LIMCH1: variants seen among roughly 807,000 people sequenced by gnomAD.
LIMCH1 encodes LIM and calponin homology domains-containing protein 1.
A neutral mutation model predicts 176.5 loss-of-function variants in LIMCH1; 113 were observed. That is an observed-to-expected ratio of 0.64 (90% CI 0.55 to 0.75). LIMCH1 has a LOEUF of 0.75. Ranked by LOEUF, LIMCH1 falls within the 30% of genes least tolerant of loss-of-function variation. The pLI is 0.00. For missense variants in LIMCH1, 1,674 were observed against 1,814.9 expected (o/e 0.92, Z 1.41); for synonymous variants, 619 against 645.9 (o/e 0.96, Z 0.63).
rs2092366054 is a variant in LIMCH1 at position 41,619,107 on chromosome 4, C to A, written c.206-81C>A. 3.2e-5 allele frequency: 48 copies of A among 1,492,376 alleles called. No homozygotes were observed. The South Asian group carries it at 5.3e-4, about 17-fold the overall frequency. The allele number at this position is 1,492,376 out of a possible 1,614,324, so 92.4% of individuals were successfully genotyped here. Reference sequence around the variant, plus strand: ...AATCCTCAGAACCCACAGATTGAACCACATCCCTAATGCATGCTTAACATT... The same window carrying A: ...AATCCTCAGAACCCACAGATTGAACAACATCCCTAATGCATGCTTAACATT... On this transcript the variant is annotated intron_variant, in intron 5 of 31. Coordinates refer to ENST00000503057, the MANE Select transcript of LIMCH1 (RefSeq NM_001330672.2).
chr4:41,681,266 G>A (rs1715543921), intron 25 of LIMCH1, among the ~76,000 whole-genome samples: 2 of 152,000 alleles, frequency 1.3e-5, no homozygotes, highest in African/African-American at 4.8e-5. Context: ...CCTGGGGAGT[G>A]GTAAAGTCAT....
intron 1 of LIMCH1, among the ~76,000 whole-genome samples, chr4:41,432,005 A>G (rs181446253): frequency 2.0e-5 from 3 of 152,342 alleles, no homozygotes; most frequent in East Asian, 3.9e-4. Flanking sequence ...TAAGGCAGCT[A>G]TGACTATTAC....
chr4:41,685,625 C>T, intron 27 of LIMCH1, 85 bp from the exon 28 acceptor site: 7 of 1,516,720 alleles, frequency 4.6e-6, no homozygotes, highest in Non-Finnish European at 5.5e-6. Flanking sequence ...CCTCAACAGG[C>T]ATTAGCACTT....
intron 2 of LIMCH1, among the ~76,000 whole-genome samples, chr4:41,517,861 C>A (rs566088712): frequency 6.6e-6 from 1 of 151,762 alleles, no homozygotes; most frequent in South Asian, 2.1e-4. Flanking sequence ...TAGTCAAACC[C>A]AGAAAGTGAT....
Position 41,650,383 on chromosome 4 carries a change from G to T in LIMCH1, c.2821-10G>T, listed in dbSNP as rs1197713118. 6.2e-7 allele frequency: 1 copy of T among 1,609,074 alleles called. No homozygotes were observed. The highest frequency in any genetic ancestry group is 1.1e-5 in the South Asian group (1 of 90,900). ...TATAGCATGTTTTTTGTTCATTCTG[G>T]CTTTTATAGGTAGACGGGAAAGTCA... On this transcript the variant is annotated splice_polypyrimidine_tract_variant and intron_variant, in intron 17 of 31. Coordinates refer to ENST00000503057, the MANE Select transcript of LIMCH1 (RefSeq NM_001330672.2).
At position 41,629,474 on chromosome 4, in the gene LIMCH1, C is replaced by T; in HGVS notation, c.1029-18C>T. 1.3e-6 allele frequency: 2 copies of T among 1,535,196 alleles called. No homozygotes were observed. The highest frequency in any genetic ancestry group is 1.7e-4 in the Middle Eastern group (1 of 5,990). ...CTTGATTTTTCCATTGGTGTGGGGG[C>T]CCGGATCAAATGGACAGAAACCAGG... On this transcript the variant is annotated intron_variant, in intron 8 of 31. Coordinates refer to ENST00000503057, the MANE Select transcript of LIMCH1 (RefSeq NM_001330672.2).
At chr4:41,587,321 G>A (rs1251414156) in intron 1 of LIMCH1, among the ~76,000 whole-genome samples, 1 of 152,050 alleles carries the variant, frequency 6.6e-6, no homozygotes, top group Non-Finnish European at 1.5e-5. Flanking sequence ...AAGGATTCAC[G>A]GTCTTTCTAT....
intron 1 of LIMCH1, among the ~76,000 whole-genome samples, chr4:41,550,923 G>A (rs189220691): frequency 6.6e-6 from 1 of 152,164 alleles, no homozygotes; most frequent in East Asian, 1.9e-4. Flanking sequence ...TGAGTTTCCG[G>A]GCAGCCACAG....
chr4:41,685,640 GA>G (rs1388302714), intron 27 of LIMCH1, 69 bp from the exon 28 acceptor site: 18 of 1,588,726 alleles, frequency 1.1e-5, no homozygotes, highest in Non-Finnish European at 1.5e-5. Flanking sequence ...GCACTTTAAA[GA>G]AAGGTGACTT....
chr4:41,486,043 T>G (rs1455066934), intron 1 of LIMCH1, among the ~76,000 whole-genome samples: 1 of 152,184 alleles, frequency 6.6e-6, no homozygotes, highest in East Asian at 1.9e-4. Context: ...GCTAAACAGC[T>G]GCAAAGATAG....
Position 41,599,002 on chromosome 4 carries a change from A to G in LIMCH1, c.-158A>G, listed in dbSNP as rs374880682. ...CTTTTTGACCCGAGTGACCTCCAGG[A>G]TACATCCAACAGAGTAACAGTCAAG... On this transcript the variant is annotated 5_prime_UTR_variant, in exon 2 of 32. Coordinates refer to ENST00000503057, the MANE Select transcript of LIMCH1 (RefSeq NM_001330672.2). 40 of 1,609,968 alleles carry G rather than the reference A, an allele frequency of 2.5e-5. No homozygotes were observed. The highest frequency in any genetic ancestry group is 3.3e-5 in the Non-Finnish European group (39 of 1,176,564).
chr4:41,491,120 A>ACAGAG (rs2070809279), intron 1 of LIMCH1, among the ~76,000 whole-genome samples: 1 of 148,296 alleles, frequency 6.7e-6, no homozygotes, highest in Non-Finnish European at 1.5e-5. Flanking sequence ...CACCTCCCAG[A>ACAGAG]TGGGGCGGCT....
chr4:41,654,171 A>G (rs2094396389), intron 18 of LIMCH1, among the ~76,000 whole-genome samples: 1 of 152,192 alleles, frequency 6.6e-6, no homozygotes, highest in East Asian at 1.9e-4. Flanking sequence ...CCATTTTTCA[A>G]TCCTATGATT....
At position 41,478,467 on chromosome 4, in the gene LIMCH1, T is replaced by C. The variant is rs547147820; in HGVS notation, c.97-16069T>C. ...CATGTTTTATTTTCATTTGGTAATC[T>C]AATAACTTGTTTGGGTGAATTCTAT... On this transcript the variant is annotated intron_variant, in intron 1 of 26. Coordinates refer to the LIMCH1 transcript ENST00000313860. Among the ~76,000 whole-genome samples the C allele has an allele frequency of 3.7e-4, 56 of 152,392 alleles. No homozygotes were observed. In the East Asian group the frequency reaches 6.7e-3, roughly 18 times the overall value.
chr4:41,460,458 C>CTATATATATATATATATA lies in LIMCH1; in HGVS notation c.97-34074_97-34057dup, dbSNP rs57517524. 3.5e-3 allele frequency among the ~76,000 whole-genome samples: 388 copies of CTATATATATATATATATA among 110,462 alleles called. 13 individuals carry two copies. Among genetic ancestry groups the CTATATATATATATATATA allele is most frequent in the African/African-American group, 0.012 (311 of 25,172 alleles). 72.5% of individuals were successfully genotyped at this position (110,462 alleles called of 152,430 possible). A position where few individuals can be genotyped will look rare whatever the true frequency, so the allele number is the denominator to read the frequency against. On this transcript the variant is annotated intron_variant, in intron 1 of 26. Transcript: ENST00000313860. ...AAATTTGTTCCACTATAGTAATCAT[C>CTATATATATATATATATA]TATATATATATATATATATATCTTA...
intron 13 of LIMCH1, among the ~76,000 whole-genome samples, chr4:41,638,102 T>TTTA (rs758044658): frequency 0.014 from 1,218 of 87,116 alleles, 15 homozygotes; most frequent in African/African-American, 0.045. Flanking sequence ...GCTGTGTTGT[T>TTTA]TTGTTGTTGT....
chr4:41,583,143 G>T (rs1245990577), intron 1 of LIMCH1, among the ~76,000 whole-genome samples: 1 of 152,154 alleles, frequency 6.6e-6, no homozygotes, highest in Non-Finnish European at 1.5e-5. Flanking sequence ...ATCTGTGAGG[G>T]TAGGCACACT....
At chr4:41,632,284 T>C (rs1004170326) in intron 10 of LIMCH1, among the ~76,000 whole-genome samples, 3 of 152,220 alleles carry the variant, frequency 2.0e-5, no homozygotes, top group Admixed American at 6.5e-5. Flanking sequence ...TTCATAGCAT[T>C]CTTCTTTATA....
At chr4:41,629,851 A>T in intron 9 of LIMCH1, 117 bp downstream of exon 9, 1 of 1,210,296 alleles carries the variant, frequency 8.3e-7, no homozygotes, top group East Asian at 2.6e-5. Flanking sequence ...TCTGTTGCCC[A>T]GGCTGGAATA....
Sources: gnomAD v4.1 joint callset for allele counts (sites outside exome capture counted in the v4.1 genomes callset) on GRCh38, gnomAD v4.1.1 for gene constraint, MANE v1.5 for transcripts, NCBI Gene and HGNC (gene_info 2026-07-23, HGNC 2026-07-21) for gene names.